SANBR: variants seen among roughly 807,000 people sequenced by gnomAD.
The protein encoded by SANBR is SANT and BTB domain regulator of class switch recombination.
SANBR carries 77 observed loss-of-function variants against 101.8 expected under a neutral mutation model. The ratio of observed to expected loss-of-function variants is 0.76; its 90% CI spans 0.63 to 0.91. SANBR has a LOEUF of 0.91. SANBR is among the 40% of genes least tolerant of loss of function. The pLI is 0.00. For synonymous variants in SANBR, 279 were observed against 274.7 expected (o/e 1.02, Z -0.15); for missense variants, 875 against 853.0 (o/e 1.03, Z -0.32).
chr2:61,073,585 A>C (rs780634212), intron 5 of SANBR, 34 bp downstream of exon 5: 1 of 1,175,638 alleles, frequency 8.5e-7, no homozygotes, highest in Non-Finnish European at 1.2e-6. Context: ...ATAAGATTAA[A>C]TATTAATATC....
chr2:61,134,976 G>T (rs1684801433), intron 21 of SANBR, among the ~76,000 whole-genome samples: 1 of 151,248 alleles, frequency 6.6e-6, no homozygotes, highest in South Asian at 2.1e-4. Context: ...GATCACCTGA[G>T]GTCAGGAGTT....
At chr2:61,099,053 C>T (rs1683167601) in intron 12 of SANBR, among the ~76,000 whole-genome samples, 1 of 152,162 alleles carries the variant, frequency 6.6e-6, no homozygotes, top group Non-Finnish European at 1.5e-5. Context: ...AAGGAAAGAG[C>T]ATTCTAGTCA....
chr2:61,085,334 T>C (rs1291382297), intron 8 of SANBR, among the ~76,000 whole-genome samples: 1 of 152,098 alleles, frequency 6.6e-6, no homozygotes, highest in Admixed American at 6.6e-5. Context: ...GGGTCAAGGT[T>C]CATTTTTTTT....
At position 61,123,100 on chromosome 2, in the gene SANBR, T is replaced by G. The variant is rs1299017664; in HGVS notation, c.*938T>G. 4.1e-6 allele frequency: 4 copies of G among 971,564 alleles called. No homozygotes were observed. In the East Asian group the frequency reaches 4.5e-4, roughly 110 times the overall value. 60.2% of individuals were successfully genotyped at this position (971,564 alleles called of 1,614,324 possible). On this transcript the variant is annotated 3_prime_UTR_variant, in exon 22 of 22. Transcript: ENST00000402291. ...AAGAAAAATCAAAATAAAATTCTAT[T>G]TTATAAATCATGTTTAAATTTTTCT...
intron 14 of SANBR, among the ~76,000 whole-genome samples, chr2:61,107,741 C>T (rs770397073): frequency 7.2e-5 from 11 of 152,110 alleles, no homozygotes; most frequent in Non-Finnish European, 1.5e-4. Context: ...CAAAATTTAG[C>T]TGGGCGCAGT....
rs1279923786 is a variant in SANBR, at chr2:61,068,979, C to T, written c.-16C>T. On this transcript the variant is annotated 5_prime_UTR_variant, in exon 2 of 22. Coordinates refer to ENST00000402291, the MANE Select transcript of SANBR (RefSeq NM_001129993.3). ...TTAACCACTCCACTATTCTGGCCTTCTACAAGGTACATCTTTGGTTGGTAG... is the reference window on the plus strand; with the variant it reads ...TTAACCACTCCACTATTCTGGCCTTTTACAAGGTACATCTTTGGTTGGTAG... 2 of 152,354 alleles carry T rather than the reference C, an allele frequency of 1.3e-5. No individual in the cohort carries two copies. Among genetic ancestry groups the T allele is most frequent in the East Asian group, 1.9e-4 (1 of 5,338 alleles). 9.4% of individuals were successfully genotyped at this position (152,354 alleles called of 1,614,324 possible).
At chr2:61,137,071 G>C (rs978727801) in intron 21 of SANBR, among the ~76,000 whole-genome samples, 2 of 151,884 alleles carry the variant, frequency 1.3e-5, no homozygotes, top group Non-Finnish European at 2.9e-5. Context: ...AAGATCGCTT[G>C]AGAATGTGAG....
chr2:61,103,886 C>G lies in SANBR; in HGVS notation c.1399C>G (p.Arg467Gly). The G allele has an allele frequency of 6.2e-7, 1 of 1,614,158 alleles. No homozygotes were observed. Among genetic ancestry groups the G allele is most frequent in the East Asian group, 2.2e-5 (1 of 44,888 alleles). ...CKVRDHMVTL[R>G]DQGEGGDLPS... ...AGTGAGGGACCACATGGTTACACTT[C>G]GTGATCAAGGTGAAGGCGGAGATTT... The change falls in exon 13 of 22, where the codon CGT (arginine) becomes GGT (glycine). Residue 467 changes from arginine to glycine, a missense_variant. Coordinates refer to ENST00000402291, the MANE Select transcript of SANBR (RefSeq NM_001129993.3).
chr2:61,072,821 C>CTTTT (rs70959893), intron 4 of SANBR, among the ~76,000 whole-genome samples: 30 of 31,656 alleles, frequency 9.5e-4, no homozygotes, highest in East Asian at 3.6e-3. Context: ...TCTCATGTTA[C>CTTTT]TTTTTTTTTT....
chr2:61,088,090 T>A (rs568529967), intron 8 of SANBR, 69 bp from the exon 9 acceptor site: 3 of 770,214 alleles, frequency 3.9e-6, no homozygotes, highest in Non-Finnish European at 6.3e-6. Flanking sequence ...ATGCACAGAT[T>A]GGTTTGTTTA....
chr2:61,081,966 T>C (rs1292010663), intron 7 of SANBR, among the ~76,000 whole-genome samples: 19 of 152,142 alleles, frequency 1.2e-4, no homozygotes, highest in Non-Finnish European at 4.4e-5. Context: ...TCCTTTTCTA[T>C]GTTAGCAAAT....
intron 21 of SANBR, among the ~76,000 whole-genome samples, chr2:61,136,302 GAA>G (rs555339835): frequency 2.4e-5 from 3 of 123,486 alleles, no homozygotes; most frequent in Non-Finnish European, 1.7e-5. Flanking sequence ...AGACTCGTCT[GAA>G]AAAAAAAAAA....
At chr2:61,100,324 C>T (rs575016465) in intron 12 of SANBR, among the ~76,000 whole-genome samples, 3 of 152,104 alleles carry the variant, frequency 2.0e-5, no homozygotes, top group South Asian at 2.1e-4. Context: ...AGGCTGGTCT[C>T]GAACTCCTGA....
intron 8 of SANBR, among the ~76,000 whole-genome samples, chr2:61,085,887 C>T (rs950751827): frequency 1.3e-5 from 2 of 152,112 alleles, no homozygotes; most frequent in African/African-American, 4.8e-5. Flanking sequence ...TTTTGCCTAT[C>T]TTCAAGATTG....
At chr2:61,095,863 CT>C (rs1303840473) in intron 11 of SANBR, among the ~76,000 whole-genome samples, 2 of 152,148 alleles carry the variant, frequency 1.3e-5, no homozygotes, top group African/African-American at 4.8e-5. Flanking sequence ...CAAGGTTTCA[CT>C]TTTTCACCTT....
intron 16 of SANBR, among the ~76,000 whole-genome samples, chr2:61,114,708 G>A (rs915153095): frequency 3.9e-5 from 6 of 152,154 alleles, no homozygotes; most frequent in African/African-American, 1.4e-4. Context: ...AGGCTTCAAT[G>A]CCGTGTCGTG....
intron 15 of SANBR, 39 bp from the exon 16 acceptor site, chr2:61,109,158 C>T: frequency 9.9e-7 from 1 of 1,013,478 alleles, no homozygotes; most frequent in Non-Finnish European, 1.4e-6. Flanking sequence ...AATAAAAAAT[C>T]ATAATATTAC....
At chr2:61,071,549 C>CAA (rs200693095) in intron 3 of SANBR, 57 bp from the exon 4 acceptor site, 6,145 of 931,242 alleles carry the variant, frequency 6.6e-3, no homozygotes, top group Non-Finnish European at 7.3e-3. Flanking sequence ...GACTCCGTCT[C>CAA]AAAAAAAAAA....
At chr2:61,135,552 T>G (rs1056360846) in intron 21 of SANBR, among the ~76,000 whole-genome samples, 2 of 152,222 alleles carry the variant, frequency 1.3e-5, no homozygotes, top group African/African-American at 4.8e-5. Context: ...TACTGTTATG[T>G]GACATGATAA....
Sources: allele counts gnomAD v4.1 joint callset (sites outside exome capture counted in the v4.1 genomes callset), GRCh38; gene constraint gnomAD v4.1.1; transcripts MANE v1.5; gene names NCBI Gene and HGNC (gene_info 2026-07-23, HGNC 2026-07-21).